Variants in ZNF385D observed in about 807,000 individuals in gnomAD.
ZNF385D encodes zinc finger protein 385D, also known as zinc finger protein 659.
ZNF385D carries 15 observed loss-of-function variants against 35.8 expected under a neutral mutation model. The observed-to-expected ratio is 0.42, with a 90% CI of 0.28 to 0.64. The LOEUF (loss-of-function observed/expected upper bound fraction) is 0.64, where lower values mean the gene tolerates loss of function less well. ZNF385D is among the 30% of genes least tolerant of loss of function. The pLI is 0.23. For synonymous variants in ZNF385D, 212 were observed against 186.8 expected (o/e 1.13, Z -1.10); for missense variants, 474 against 494.6 (o/e 0.96, Z 0.39).
Position 21,664,452 on chromosome 3 carries a change from C to T in ZNF385D, c.165+434G>A, listed in dbSNP as rs79114516. Reference sequence around the variant, plus strand: ...TATACTTAAAACATAATCACTGCTGCCATTGTCAAGGTCCTATTTATTAAG... The same window carrying T: ...TATACTTAAAACATAATCACTGCTGTCATTGTCAAGGTCCTATTTATTAAG... On this transcript the variant is annotated intron_variant, in intron 2 of 7. Coordinates refer to ENST00000281523, the MANE Select transcript of ZNF385D (RefSeq NM_024697.3). Among the ~76,000 whole-genome samples, 1,303 of 152,210 alleles carry T rather than the reference C, an allele frequency of 8.6e-3. 20 individuals are homozygous for T. The highest frequency in any genetic ancestry group is 0.03 in the African/African-American group (1,265 of 41,524).
At chr3:22,021,835 T>A (rs1697240358) in intron 3 of ZNF385D, among the ~76,000 whole-genome samples, 1 of 152,070 alleles carries the variant, frequency 6.6e-6, no homozygotes, top group Admixed American at 6.6e-5. Flanking sequence ...TTTGTCCCAC[T>A]CCCTGGGATT....
chr3:21,469,229 G>T (rs572527774), intron 4 of ZNF385D, among the ~76,000 whole-genome samples: 1 of 152,070 alleles, frequency 6.6e-6, no homozygotes, highest in Non-Finnish European at 1.5e-5. Flanking sequence ...ATAATGATTC[G>T]CATGCTGTAA....
intron 3 of ZNF385D, among the ~76,000 whole-genome samples, chr3:22,011,904 A>G (rs1696597016): frequency 6.6e-6 from 1 of 152,124 alleles, no homozygotes; most frequent in African/African-American, 2.4e-5. Flanking sequence ...ACCAACAAAT[A>G]AAACATTTCA....
intron 3 of ZNF385D, chr3:21,978,384 A>T (rs1184470826): frequency 6.6e-6 from 1 of 152,272 alleles, no homozygotes; most frequent in Non-Finnish European, 1.5e-5. Flanking sequence ...AATATTAGAT[A>T]TGCTACGTGT....
intron 4 of ZNF385D, among the ~76,000 whole-genome samples, chr3:21,456,338 A>G (rs1702807299): frequency 6.6e-6 from 1 of 152,236 alleles, no homozygotes; most frequent in African/African-American, 2.4e-5. Flanking sequence ...AACTAACCCA[A>G]ACGTCCAACA....
chr3:21,883,915 C>A (rs1575834392), intron 3 of ZNF385D, among the ~76,000 whole-genome samples: 1 of 152,034 alleles, frequency 6.6e-6, no homozygotes, highest in Non-Finnish European at 1.5e-5. Context: ...CTCTCTTCAG[C>A]AGGAAACCAT....
At chr3:21,670,647 GGCGCCCCCCCCCCCC>G (rs1189405639) in intron 1 of ZNF385D, among the ~76,000 whole-genome samples, 506 of 15,748 alleles carry the variant, frequency 0.032, 101 homozygotes, top group Non-Finnish European at 0.042. Flanking sequence ...GAAATCCTAA[GGCGCCCCCCCCCCCC>G]CCCCCCCCCC....
chr3:22,211,178 A>T (rs912345405), intron 2 of ZNF385D, among the ~76,000 whole-genome samples: 1 of 151,982 alleles, frequency 6.6e-6, no homozygotes, highest in Non-Finnish European at 1.5e-5. Flanking sequence ...CAAAAGTGGG[A>T]ACATAATAAG....
At chr3:22,206,993 C>A (rs1473297803) in intron 2 of ZNF385D, among the ~76,000 whole-genome samples, 1 of 151,534 alleles carries the variant, frequency 6.6e-6, no homozygotes, top group South Asian at 2.1e-4. Flanking sequence ...ATAAACAAAA[C>A]TGACAAATCT....
chr3:21,967,579 C>A (rs988258272), intron 3 of ZNF385D, among the ~76,000 whole-genome samples: 2 of 152,188 alleles, frequency 1.3e-5, no homozygotes, highest in Non-Finnish European at 2.9e-5. Context: ...AAATTTTCTG[C>A]CCATTGGCTT....
chr3:21,533,289 G>A (rs765629917), intron 3 of ZNF385D, among the ~76,000 whole-genome samples: 9 of 151,832 alleles, frequency 5.9e-5, no homozygotes, highest in Non-Finnish European at 8.8e-5. Context: ...CACAAGAAAC[G>A]TTTCCCCACT....
chr3:21,663,890 A>AATATATATATATATATATATATAT (rs66691637), intron 2 of ZNF385D, among the ~76,000 whole-genome samples: 1,249 of 63,952 alleles, frequency 0.02, 90 homozygotes, highest in Non-Finnish European at 0.028. Context: ...TTGTGGGCCG[A>AATATATATATATATATATATATAT]ATATATATAT....
intron 2 of ZNF385D, among the ~76,000 whole-genome samples, chr3:21,603,483 G>C (rs755562335): frequency 6.6e-6 from 1 of 152,128 alleles, no homozygotes; most frequent in Non-Finnish European, 1.5e-5. Context: ...TCCATCTATA[G>C]ATATTGGTTA....
chr3:22,147,271 T>C (rs1364924647), intron 3 of ZNF385D, among the ~76,000 whole-genome samples: 3 of 152,180 alleles, frequency 2.0e-5, no homozygotes, highest in South Asian at 2.1e-4. Flanking sequence ...TGAATAACCA[T>C]GTCTCTCCTA....
chr3:22,072,220 A>G (rs779083517), intron 3 of ZNF385D, among the ~76,000 whole-genome samples: 1 of 152,100 alleles, frequency 6.6e-6, no homozygotes, highest in African/African-American at 2.4e-5. Context: ...GAAAAAGGAT[A>G]GAATTTCTTA....
intron 3 of ZNF385D, among the ~76,000 whole-genome samples, chr3:22,039,962 G>T (rs896288522): frequency 2.6e-5 from 4 of 152,246 alleles, no homozygotes; most frequent in African/African-American, 7.2e-5. Context: ...CCTAGCAGGA[G>T]ATCAGAAACA....
At chr3:21,606,815 T>G (rs2064498692) in intron 2 of ZNF385D, among the ~76,000 whole-genome samples, 2 of 152,234 alleles carry the variant, frequency 1.3e-5, no homozygotes, top group Admixed American at 6.5e-5. Context: ...TTAACCTCCA[T>G]GCTGGAGGCA....
chr3:21,451,490 T>G (rs1446414356), intron 4 of ZNF385D, among the ~76,000 whole-genome samples: 1 of 152,132 alleles, frequency 6.6e-6, no homozygotes, highest in Non-Finnish European at 1.5e-5. Context: ...TTTTAAAATT[T>G]CCTTCATATA....
chr3:21,670,195 T>C (rs183474161), intron 1 of ZNF385D, among the ~76,000 whole-genome samples: 9 of 152,044 alleles, frequency 5.9e-5, no homozygotes, highest in East Asian at 1.9e-4. Context: ...ATCATTTCTA[T>C]AGTATCTTTA....
Sources: allele counts gnomAD v4.1 joint callset (sites outside exome capture counted in the v4.1 genomes callset), GRCh38; gene constraint gnomAD v4.1.1; transcripts MANE v1.5; gene names NCBI Gene and HGNC (gene_info 2026-07-23, HGNC 2026-07-21).